The following KANSL1 variants were observed in gnomAD, a reference collection of about 807,000 sequenced individuals.
KANSL1 encodes KAT8 regulatory NSL complex subunit 1.
In KANSL1, 22 loss-of-function variants were observed where a neutral mutation model predicts 103.6. The observed-to-expected ratio is 0.21, with a 90% confidence interval of 0.15 to 0.30. The LOEUF (loss-of-function observed/expected upper bound fraction) is 0.30, where lower values mean the gene tolerates loss of function less well. Ranked by LOEUF, KANSL1 falls within the 10% of genes least tolerant of loss-of-function variation. The pLI is 1.00. For synonymous variants in KANSL1, 600 were observed against 527.6 expected, an observed-to-expected ratio of 1.14 and a Z score of -1.88; for missense variants, 1,337 against 1,399.8, an observed-to-expected ratio of 0.96 and a Z score of 0.72.
intron 2 of KANSL1, among the ~76,000 whole-genome samples, chr17:46,146,833 A>AG (rs907492501): frequency 3.5e-5 from 4 of 113,620 alleles, no homozygotes; most frequent in African/African-American, 1.5e-4. Flanking sequence ...ACTCCGTCTC[A>AG]AAAAAAAAAA....
At chr17:46,142,401 G>T (rs2044466544) in intron 2 of KANSL1, among the ~76,000 whole-genome samples, 1 of 151,702 alleles carries the variant, frequency 6.6e-6, no homozygotes, top group Admixed American at 6.5e-5. Flanking sequence ...GACTGCTTGA[G>T]TCCAGGAGTT....
intron 7 of KANSL1, among the ~76,000 whole-genome samples, chr17:46,047,087 C>G (rs9907760): frequency 6.6e-6 from 1 of 152,124 alleles, no homozygotes; most frequent in Non-Finnish European, 1.5e-5. Context: ...TCCATGTGTT[C>G]CAGGTTTTCT....
At chr17:46,100,026 TATATAA>T (rs1291238367) in intron 2 of KANSL1, among the ~76,000 whole-genome samples, 1 of 152,252 alleles carries the variant, frequency 6.6e-6, no homozygotes, top group African/African-American at 2.4e-5. Flanking sequence ...ATATTTGTTG[TATATAA>T]ATATTTCATT....
intron 7 of KANSL1, among the ~76,000 whole-genome samples, chr17:46,046,880 G>A (rs1008256658): frequency 1.3e-5 from 2 of 149,352 alleles, no homozygotes; most frequent in Non-Finnish European, 3.0e-5. Flanking sequence ...AGCAGCATAT[G>A]AGACAAATAT....
chr17:46,167,640 A>C (rs758956865), intron 2 of KANSL1, among the ~76,000 whole-genome samples: 5 of 152,282 alleles, frequency 3.3e-5, no homozygotes, highest in South Asian at 2.1e-4. Context: ...AAAGGGTAAG[A>C]GTTTTTAAAC....
intron 2 of KANSL1, among the ~76,000 whole-genome samples, chr17:46,135,980 T>C (rs2044120747): frequency 6.6e-6 from 1 of 152,172 alleles, no homozygotes; most frequent in African/African-American, 2.4e-5. Context: ...CCCATTAGCT[T>C]GGGAAACTAC....
chr17:46,090,001 T>C (rs1023731038), intron 3 of KANSL1, among the ~76,000 whole-genome samples: 1 of 152,248 alleles, frequency 6.6e-6, no homozygotes, highest in Non-Finnish European at 1.5e-5. Context: ...AACCTGTGAA[T>C]ATGACCTTGT....
chr17:46,096,042 G>GT (rs1455247408), intron 2 of KANSL1, among the ~76,000 whole-genome samples: 3 of 151,950 alleles, frequency 2.0e-5, no homozygotes, highest in African/African-American at 7.3e-5. Flanking sequence ...TATATTGCTG[G>GT]TAACAGTTAA....
chr17:46,163,231 T>C (rs1377469363), intron 2 of KANSL1, among the ~76,000 whole-genome samples: 1 of 152,264 alleles, frequency 6.6e-6, no homozygotes, highest in Non-Finnish European at 1.5e-5. Context: ...CATCCCAGCA[T>C]GTAGCAGGCA....
chr17:46,208,688 A>G (rs537040602), intron 1 of KANSL1, among the ~76,000 whole-genome samples: 93 of 151,638 alleles, frequency 6.1e-4, no homozygotes, highest in African/African-American at 2.2e-3. Flanking sequence ...TCTTAGAGAC[A>G]GGATCTTCAG....
At chr17:46,161,180 C>T (rs926664031) in intron 2 of KANSL1, among the ~76,000 whole-genome samples, 15 of 147,928 alleles carry the variant, frequency 1.0e-4, no homozygotes, top group Non-Finnish European at 1.8e-4. Flanking sequence ...TTTGGGAGGC[C>T]GAGGTGGGCT....
intron 1 of KANSL1, among the ~76,000 whole-genome samples, chr17:46,189,064 A>AC: frequency 7.3e-6 from 1 of 137,044 alleles, no homozygotes; most frequent in Non-Finnish European, 1.6e-5. Context: ...AAAAAAAAAA[A>AC]AAGACAAGCA....
At chr17:46,166,998 C>T (rs544137204) in intron 2 of KANSL1, among the ~76,000 whole-genome samples, 59 of 139,416 alleles carry the variant, frequency 4.2e-4, no homozygotes, top group Non-Finnish European at 8.0e-4. Flanking sequence ...CCTAGAGTAA[C>T]GGTTGGGAGA....
chr17:46,073,006 G>C (rs1283015154), intron 4 of KANSL1, among the ~76,000 whole-genome samples: 3 of 152,128 alleles, frequency 2.0e-5, no homozygotes, highest in Non-Finnish European at 4.4e-5. Flanking sequence ...GACCTAACTT[G>C]TCAGTGTTTT....
intron 2 of KANSL1, among the ~76,000 whole-genome samples, chr17:46,140,255 G>C (rs2044353708): frequency 6.6e-6 from 1 of 152,072 alleles, no homozygotes; most frequent in African/African-American, 2.4e-5. Context: ...CTGCAAATAA[G>C]TTTCCACAAC....
intron 1 of KANSL1, among the ~76,000 whole-genome samples, chr17:46,185,266 C>A (rs1363621289): frequency 6.6e-6 from 1 of 152,182 alleles, no homozygotes; most frequent in Non-Finnish European, 1.5e-5. Context: ...AGATGAAGAT[C>A]CATTAGGACG....
chr17:46,110,467 C>T (rs879210264), intron 2 of KANSL1, among the ~76,000 whole-genome samples: 6 of 152,136 alleles, frequency 3.9e-5, no homozygotes, highest in African/African-American at 1.4e-4. Context: ...GACAATAAGG[C>T]TAAGTAACTT....
At chr17:46,047,802 T>TA (rs66740033) in intron 7 of KANSL1, among the ~76,000 whole-genome samples, 258 of 120,108 alleles carry the variant, frequency 2.1e-3, no homozygotes, top group Non-Finnish European at 3.4e-3. Flanking sequence ...AAATAAAAAT[T>TA]AAAAAAAAAA....
intron 3 of KANSL1, among the ~76,000 whole-genome samples, chr17:46,091,109 G>T (rs1393824234): frequency 6.6e-6 from 1 of 152,218 alleles, no homozygotes. Flanking sequence ...ACCTAACAGT[G>T]TAACAAGATG....
Sources: gnomAD v4.1 joint callset for allele counts (sites outside exome capture counted in the v4.1 genomes callset) on GRCh38, gnomAD v4.1.1 for gene constraint, MANE v1.5 for transcripts, NCBI Gene and HGNC (gene_info 2026-07-23, HGNC 2026-07-21) for gene names.